Variants in PDE11A observed in about 807,000 individuals in gnomAD.
PDE11A encodes phosphodiesterase 11A, also known as dual 3',5'-cyclic-AMP and -GMP phosphodiesterase 11A.
In PDE11A, 100 loss-of-function variants were observed where a neutral mutation model predicts 100.5. The observed-to-expected ratio is 1.00, with a 90% CI of 0.85 to 1.18. The LOEUF is 1.18. Among genes scored for constraint, PDE11A ranks in the 50% most tolerant of loss-of-function variants. The probability of loss-of-function intolerance (pLI) is 0.00; values close to 1 mark genes in which losing one functional copy is unlikely to be tolerated. For synonymous variants in PDE11A, 381 were observed against 420.8 expected, an observed-to-expected ratio of 0.91 and a Z score of 1.16; for missense variants, 1,141 against 1,152.6, an observed-to-expected ratio of 0.99 and a Z score of 0.15.
At chr2:177,777,406 G>A (rs565266184) in intron 9 of PDE11A, among the ~76,000 whole-genome samples, 2 of 152,188 alleles carry the variant, frequency 1.3e-5, no homozygotes, top group South Asian at 2.1e-4. Flanking sequence ...CAAGAGAATC[G>A]TTACTGTTTT....
intron 5 of PDE11A, among the ~76,000 whole-genome samples, chr2:177,853,007 G>A (rs957855393): frequency 2.0e-5 from 3 of 152,052 alleles, no homozygotes; most frequent in Non-Finnish European, 2.9e-5. Context: ...TTTATCAGCC[G>A]GTGTCACTGT....
intron 6 of PDE11A, among the ~76,000 whole-genome samples, chr2:177,833,930 C>T (rs971797191): frequency 2.0e-5 from 3 of 152,174 alleles, no homozygotes; most frequent in African/African-American, 7.2e-5. Context: ...GGCATGCCCA[C>T]GGCAGACTAG....
At chr2:178,024,149 C>T (rs767154659) in intron 1 of PDE11A, among the ~76,000 whole-genome samples, 14 of 152,110 alleles carry the variant, frequency 9.2e-5, no homozygotes, top group South Asian at 4.2e-4. Flanking sequence ...CAGGCATTCA[C>T]GCCTGTAATC....
At chr2:177,858,608 A>C (rs1242904522) in intron 5 of PDE11A, among the ~76,000 whole-genome samples, 2 of 152,034 alleles carry the variant, frequency 1.3e-5, no homozygotes, top group Admixed American at 6.6e-5. Flanking sequence ...AGGTGCTGGA[A>C]AGGATGTGGA....
At chr2:177,684,668 T>C (rs2080916314) in intron 15 of PDE11A, among the ~76,000 whole-genome samples, 2 of 152,208 alleles carry the variant, frequency 1.3e-5, no homozygotes, top group African/African-American at 4.8e-5. Context: ...AGAGTTATAG[T>C]AATGGGATCT....
intron 13 of PDE11A, chr2:177,702,440 A>T (rs184367215): frequency 1.1e-4 from 16 of 152,362 alleles, no homozygotes; most frequent in Admixed American, 8.5e-4. Context: ...CATGGGACTC[A>T]GGATAAGGAT....
At chr2:177,785,817 G>A (rs192012389) in intron 9 of PDE11A, among the ~76,000 whole-genome samples, 18 of 152,308 alleles carry the variant, frequency 1.2e-4, no homozygotes, top group East Asian at 1.2e-3. Flanking sequence ...ACTGCAAGGC[G>A]GCAGCGAGGC....
intron 1 of PDE11A, among the ~76,000 whole-genome samples, chr2:178,070,272 T>A (rs974925952): frequency 6.6e-6 from 1 of 152,198 alleles, no homozygotes; most frequent in Non-Finnish European, 1.5e-5. Context: ...TTGAGAAACA[T>A]CCTTTAATAT....
In PDE11A at chr2:177,899,950, T is replaced by C. The variant is rs548151844; in HGVS notation, c.1162-1752A>G. On this transcript the variant is annotated intron_variant, in intron 3 of 19. Coordinates refer to ENST00000286063, the MANE Select transcript of PDE11A (RefSeq NM_016953.4). The stretch of plus-strand genomic sequence containing the variant: ...GAAAAGCAGACAACTTAGAAAAAAA[T>C]CTTAAGCTCTAACTTGAAAACTGTG... Among the ~76,000 whole-genome samples, 10 of 151,858 alleles carry C rather than the reference T, an allele frequency of 6.6e-5. No individual in the cohort carries two copies. The South Asian group carries it at 2.1e-3, about 31-fold the overall frequency.
intron 2 of PDE11A, among the ~76,000 whole-genome samples, chr2:177,945,440 G>A (rs559107215): frequency 1.9e-4 from 24 of 127,172 alleles, no homozygotes; most frequent in African/African-American, 4.7e-4. Context: ...GCCGCCCATC[G>A]TCTGAGATGT....
At chr2:177,790,207 C>G (rs1053961621) in intron 9 of PDE11A, among the ~76,000 whole-genome samples, 1 of 147,294 alleles carries the variant, frequency 6.8e-6, no homozygotes, top group Non-Finnish European at 1.5e-5. Context: ...ATCAATGGAA[C>G]AGAACAGAGC....
intron 2 of PDE11A, among the ~76,000 whole-genome samples, chr2:177,912,074 T>C (rs1350024278): frequency 6.6e-6 from 1 of 152,016 alleles, no homozygotes; most frequent in Non-Finnish European, 1.5e-5. Context: ...GACAAGATAA[T>C]GGATCAGAGA....
intron 1 of PDE11A, among the ~76,000 whole-genome samples, chr2:178,059,487 T>C (rs142692620): frequency 3.1e-3 from 474 of 152,322 alleles, no homozygotes; most frequent in African/African-American, 0.011. Flanking sequence ...CTGCAGGGGC[T>C]GGCCTAGGGA....
chr2:177,875,287 C>A (rs2084212429), intron 5 of PDE11A, among the ~76,000 whole-genome samples: 1 of 152,032 alleles, frequency 6.6e-6, no homozygotes, highest in Admixed American at 6.6e-5. Flanking sequence ...AAGCTAAAGG[C>A]AACATTTTAA....
chr2:177,824,843 T>C lies in PDE11A; in HGVS notation c.1501-4548A>G, dbSNP rs564160779. On this transcript the variant is annotated intron_variant, in intron 6 of 19. Coordinates refer to ENST00000286063, the MANE Select transcript of PDE11A (RefSeq NM_016953.4). ...AAATATTTAATATATTAAATGATAA[T>C]AGTGTACATGCCTATGGGTATACAA... Among the ~76,000 whole-genome samples the C allele has an allele frequency of 2.6e-5, 4 of 152,188 alleles. No homozygotes were observed. The East Asian group carries it at 7.7e-4, about 29-fold the overall frequency.
intron 19 of PDE11A, among the ~76,000 whole-genome samples, chr2:177,648,504 C>T (rs13000926): frequency 1.3e-5 from 2 of 152,034 alleles, no homozygotes; most frequent in African/African-American, 2.4e-5. Flanking sequence ...CTCGAACATT[C>T]ACCATGTAAA....
intron 15 of PDE11A, chr2:177,687,618 A>T (rs963083619): frequency 6.6e-6 from 1 of 152,200 alleles, no homozygotes; most frequent in Non-Finnish European, 1.5e-5. Flanking sequence ...TTGCTATTAC[A>T]TACAATGCAG....
At chr2:177,787,856 C>T (rs1197367630) in intron 9 of PDE11A, among the ~76,000 whole-genome samples, 1 of 152,142 alleles carries the variant, frequency 6.6e-6, no homozygotes, top group Admixed American at 6.5e-5. Context: ...AATATATATG[C>T]ACCCAATACA....
intron 1 of PDE11A, among the ~76,000 whole-genome samples, chr2:178,069,840 C>T (rs149930561): frequency 1.2e-3 from 176 of 151,968 alleles, no homozygotes; most frequent in African/African-American, 3.9e-3. Context: ...TGAAAGAGGA[C>T]GGTAAGAAAT....
Sources: allele counts gnomAD v4.1 joint callset (sites outside exome capture counted in the v4.1 genomes callset), GRCh38; gene constraint gnomAD v4.1.1; transcripts MANE v1.5; gene names NCBI Gene and HGNC (gene_info 2026-07-23, HGNC 2026-07-21).